Variants in NAV1 observed in about 807,000 individuals in gnomAD.
NAV1 encodes the protein pore membrane and/or filament interacting like protein 3.
In NAV1, 18 loss-of-function variants were observed where a neutral mutation model predicts 175.2. That is an observed-to-expected ratio of 0.10 (90% CI 0.07 to 0.15). The LOEUF is 0.15. NAV1 is among the 10% of genes least tolerant of loss of function. The probability of loss-of-function intolerance (pLI) is 1.00; values close to 1 mark genes in which losing one functional copy is unlikely to be tolerated. For missense variants in NAV1, 1,731 were observed against 2,436.6 expected (o/e 0.71, Z 6.10); for synonymous variants, 897 against 978.7 (o/e 0.92, Z 1.56).
chr1:201,668,494 A>G (rs1669912457), intron 1 of NAV1, among the ~76,000 whole-genome samples: 1 of 151,962 alleles, frequency 6.6e-6, no homozygotes, highest in South Asian at 2.1e-4. Flanking sequence ...CTTTCCTCCT[A>G]GGGTCTCTCT....
chr1:201,647,938 G>A (rs552012523), upstream of NAV1, among the ~76,000 whole-genome samples: 7 of 152,008 alleles, frequency 4.6e-5, no homozygotes, highest in South Asian at 1.0e-3. Flanking sequence ...CGTGCCCTCC[G>A]AGAATCCAAG....
intron 3 of NAV1, among the ~76,000 whole-genome samples, chr1:201,729,959 T>C (rs1672779891): frequency 6.6e-6 from 1 of 151,962 alleles, no homozygotes. Context: ...TGTCAGTAAA[T>C]GTTACCTCCA....
chr1:201,725,123 G>A (rs1004780237), intron 3 of NAV1, among the ~76,000 whole-genome samples: 5 of 152,266 alleles, frequency 3.3e-5, no homozygotes, highest in Admixed American at 2.0e-4. Flanking sequence ...CAGACCTCAA[G>A]ATACCCAACC....
chr1:201,805,290 C>A (rs1571510726), intron 17 of NAV1, among the ~76,000 whole-genome samples: 2 of 152,132 alleles, frequency 1.3e-5, no homozygotes, highest in African/African-American at 4.8e-5. Flanking sequence ...TCCAACAGTG[C>A]CACAATGCTT....
intron 1 of NAV1, among the ~76,000 whole-genome samples, chr1:201,704,327 C>G (rs958908247): frequency 6.6e-6 from 1 of 152,226 alleles, no homozygotes; most frequent in African/African-American, 2.4e-5. Flanking sequence ...CTGTCCACCT[C>G]GCTGCGCTGC....
intron 16 of NAV1, chr1:201,804,209 CGT>C: frequency 1.9e-6 from 1 of 536,822 alleles, no homozygotes; most frequent in Admixed American, 3.4e-5. Context: ...CATTTTTGTA[CGT>C]GTGGTTTTTT....
chr1:201,793,908 G>GCCCC, intron 14 of NAV1, 33 bp downstream of exon 18: 1 of 492,384 alleles, frequency 2.0e-6, no homozygotes, highest in East Asian at 6.1e-5. Context: ...GGAGGGGTGG[G>GCCCC]TGCGGCGAGG....
intron 1 of NAV1, among the ~76,000 whole-genome samples, chr1:201,710,134 C>A: frequency 6.8e-6 from 1 of 147,170 alleles, no homozygotes; most frequent in African/African-American, 2.5e-5. Context: ...TCTCCTGAGG[C>A]TACTGTGTGG....
chr1:201,817,085 C>T lies in NAV1; in HGVS notation c.5341-3C>T. The T allele has an allele frequency of 2.5e-6, 4 of 1,613,646 alleles. No homozygotes were observed. The Middle Eastern group carries it at 5.0e-4, about 200-fold the overall frequency. ...CAGTAATCATATTTCACCTTCTTTC[C>T]AGGTCCATGGACAGAAAGCTGCTTG... On this transcript the variant is annotated splice_polypyrimidine_tract_variant and splice_region_variant and intron_variant, in intron 28 of 29. Coordinates refer to ENST00000367296, the Ensembl canonical transcript of NAV1.
rs1292663537 is a variant in NAV1, at chr1:201,740,299, A to G, written c.1226+21544A>G. The stretch of plus-strand genomic sequence containing the variant: ...CTCCGAGCTCCTGGACGTTTGGCTT[A>G]CGGGCATCTGGGGCTGGGAGTGGGT... On this transcript the variant is annotated intron_variant, in intron 3 of 29. Transcript: ENST00000367296. This position sits in a 1 kb window ranked among gnomAD's most constrained non-coding sequence, Gnocchi z 4.7. 6.6e-6 allele frequency among the ~76,000 whole-genome samples: 1 copy of G among 152,234 alleles called. No individual in the cohort carries two copies.
intron 3 of NAV1, among the ~76,000 whole-genome samples, chr1:201,743,126 G>A (rs1333993120): frequency 6.6e-6 from 1 of 152,160 alleles, no homozygotes; most frequent in Admixed American, 6.5e-5. Context: ...GGTTAAGTAA[G>A]CATACTAAAG....
intron 2 of NAV1, among the ~76,000 whole-genome samples, chr1:201,631,886 A>T (rs977155116): frequency 6.6e-6 from 1 of 151,900 alleles, no homozygotes; most frequent in African/African-American, 2.4e-5. Context: ...CCATGAACTC[A>T]TCTTGCCCCC....
intron 3 of NAV1, among the ~76,000 whole-genome samples, chr1:201,765,173 A>G (rs1675120335): frequency 6.6e-6 from 1 of 152,094 alleles, no homozygotes; most frequent in African/African-American, 2.4e-5. Context: ...GGCCTTTTAT[A>G]TTCTTGGAGG....
intron 3 of NAV1, among the ~76,000 whole-genome samples, chr1:201,757,726 G>A (rs1674604450): frequency 6.6e-6 from 1 of 152,162 alleles, no homozygotes; most frequent in African/African-American, 2.4e-5. Context: ...AGGCACAAGA[G>A]GGTTGACCCC....
intron 1 of NAV1, among the ~76,000 whole-genome samples, chr1:201,568,068 G>A (rs1666413825): frequency 6.6e-6 from 1 of 152,220 alleles, no homozygotes; most frequent in Non-Finnish European, 1.5e-5. Context: ...AGCATAGGCT[G>A]CCTGGGCTGT....
intron 2 of NAV1, among the ~76,000 whole-genome samples, chr1:201,604,087 C>T (rs1372585400): frequency 2.0e-5 from 3 of 152,132 alleles, no homozygotes; most frequent in Non-Finnish European, 1.5e-5. Flanking sequence ...GATAGGGTCT[C>T]GCTTTGTCAC....
At chr1:201,723,314 A>G (rs1672469641) in intron 3 of NAV1, 1 of 152,182 alleles carries the variant, frequency 6.6e-6, no homozygotes, top group African/African-American at 2.4e-5. Context: ...AGTTCTTTAT[A>G]TATGCTAGAT....
chr1:201,584,462 T>A (rs1007160525), intron 1 of NAV1, among the ~76,000 whole-genome samples: 3 of 152,224 alleles, frequency 2.0e-5, no homozygotes, highest in Non-Finnish European at 4.4e-5. Flanking sequence ...TGGTCTCCCA[T>A]GTGACTGAGA....
intron 1 of NAV1, among the ~76,000 whole-genome samples, chr1:201,554,985 C>T (rs1028956883): frequency 6.6e-6 from 1 of 152,168 alleles, no homozygotes; most frequent in African/African-American, 2.4e-5. Flanking sequence ...CCGATTTCTG[C>T]CTTCACCGCT....
Sources: gnomAD v4.1 joint callset for allele counts (sites outside exome capture counted in the v4.1 genomes callset) on GRCh38, gnomAD v4.1.1 for gene constraint, Gnocchi (gnomAD v3.1) non-coding constraint, MANE v1.5 for transcripts, NCBI Gene and HGNC (gene_info 2026-07-23, HGNC 2026-07-21) for gene names.